The following PIK3R4 variants were observed in gnomAD, a reference collection of about 807,000 sequenced individuals.
PIK3R4 encodes the protein phosphoinositide 3-kinase regulatory subunit 4.
A neutral mutation model predicts 136.5 loss-of-function variants in PIK3R4; 46 were observed. That is an observed-to-expected ratio of 0.34 (90% CI 0.27 to 0.43). The LOEUF is 0.43. Ranked by LOEUF, PIK3R4 falls within the 20% of genes least tolerant of loss-of-function variation. The probability of loss-of-function intolerance (pLI) is 1.00; values close to 1 mark genes in which losing one functional copy is unlikely to be tolerated. For synonymous variants in PIK3R4, 557 were observed against 566.7 expected (o/e 0.98, Z 0.24); for missense variants, 1,331 against 1,649.5 (o/e 0.81, Z 3.35).
chr3:130,679,853 G>A (rs867780377), intron 19 of PIK3R4, among the ~76,000 whole-genome samples: 1 of 152,034 alleles, frequency 6.6e-6, no homozygotes, highest in Non-Finnish European at 1.5e-5. Flanking sequence ...CAAGGCGGGT[G>A]GATCACAAGG....
In PIK3R4 at chr3:130,679,239, T is replaced by C; in HGVS notation, c.*76A>G. 1 of 883,708 alleles carries C rather than the reference T, an allele frequency of 1.1e-6. No homozygotes were observed. Among genetic ancestry groups the C allele is most frequent in the Non-Finnish European group, 1.6e-6 (1 of 624,900 alleles). The allele number at this position is 883,708 out of a possible 1,614,324, so 54.7% of individuals were successfully genotyped here. A position where few individuals can be genotyped will look rare whatever the true frequency, so the allele number is the denominator to read the frequency against. On this transcript the variant is annotated 3_prime_UTR_variant, in exon 20 of 20. Coordinates refer to ENST00000356763, the MANE Select transcript of PIK3R4 (RefSeq NM_014602.3). The stretch of plus-strand genomic sequence containing the variant: ...ATTTTGAAAATTAAGCAAATGAATC[T>C]GTTCTCTAGAAATGCCTTTTCTCGA...
chr3:130,733,386 C>G (rs533586180), intron 4 of PIK3R4, among the ~76,000 whole-genome samples, 162 bp downstream of exon 4: 2 of 152,084 alleles, frequency 1.3e-5, no homozygotes, highest in Non-Finnish European at 2.9e-5. Context: ...ACGTTGATTC[C>G]CAGGAACAGA....
At position 130,713,642 on chromosome 3, in the gene PIK3R4, T is replaced by C. The variant is rs569313729; in HGVS notation, c.2331+2754A>G. 3.1e-4 allele frequency among the ~76,000 whole-genome samples: 47 copies of C among 152,246 alleles called. No homozygotes were observed. In the South Asian group the frequency reaches 8.9e-3, roughly 29 times the overall value. ...GTGGCCCCATGAGGTAACTAATGAC[T>C]GATAAGGAAAAGAAAATGTCAAGAT... On this transcript the variant is annotated intron_variant, in intron 9 of 19. Coordinates refer to ENST00000356763, the MANE Select transcript of PIK3R4 (RefSeq NM_014602.3).
At chr3:130,712,329 T>C (rs1576457174) in intron 9 of PIK3R4, among the ~76,000 whole-genome samples, 1 of 152,114 alleles carries the variant, frequency 6.6e-6, no homozygotes. Flanking sequence ...ATTGCCTGCT[T>C]GCAGAAGCTA....
At chr3:130,743,902 G>C (rs2066838588) in intron 2 of PIK3R4, among the ~76,000 whole-genome samples, 1 of 152,180 alleles carries the variant, frequency 6.6e-6, no homozygotes, top group Non-Finnish European at 1.5e-5. Flanking sequence ...AAACACATCA[G>C]TGCATCATAT....
At chr3:130,680,766 G>A (rs778322540) in intron 18 of PIK3R4, 45 bp from the exon 19 acceptor site, 1 of 1,199,882 alleles carries the variant, frequency 8.3e-7, no homozygotes, top group South Asian at 1.3e-5. Flanking sequence ...CAGGACAATG[G>A]GAGGAACTAA....
At position 130,705,756 on chromosome 3, in the gene PIK3R4, T is replaced by C. The variant is rs773586359; in HGVS notation, c.2737A>G (p.Thr913Ala). 1 of 1,602,506 alleles carries C rather than the reference T, an allele frequency of 6.2e-7. No homozygotes were observed. The highest frequency in any genetic ancestry group is 8.6e-7 in the Non-Finnish European group (1 of 1,169,554). ...STSSQVPEVT[T>A]VQNKKPVIPV... ...ATTACTGGTTTTTTATTTTGGACAG[T>C]TGTCACTTCTGGAACCTACAAAACA... The change falls in exon 12 of 20, where the codon ACT becomes GCT. Residue 913 changes from threonine to alanine, a missense_variant. By Grantham distance (58) the Thr-to-Ala change is moderately conservative (BLOSUM62 0). Coordinates refer to ENST00000356763, the MANE Select transcript of PIK3R4 (RefSeq NM_014602.3).
intron 7 of PIK3R4, among the ~76,000 whole-genome samples, chr3:130,719,026 C>T (rs1488173660): frequency 8.5e-5 from 13 of 152,144 alleles, no homozygotes; most frequent in Admixed American, 8.5e-4. Flanking sequence ...ACAATCTAGC[C>T]TATCTGATAT....
At chr3:130,684,020 T>C (rs921330983) in intron 16 of PIK3R4, among the ~76,000 whole-genome samples, 12 of 151,946 alleles carry the variant, frequency 7.9e-5, no homozygotes, top group African/African-American at 2.9e-4. Flanking sequence ...AAAAAAGGGA[T>C]AGGAGATGGT....
intron 13 of PIK3R4, among the ~76,000 whole-genome samples, chr3:130,692,020 G>A (rs936511207): frequency 4.6e-5 from 7 of 151,322 alleles, no homozygotes; most frequent in Non-Finnish European, 7.4e-5. Flanking sequence ...GACTACAGGC[G>A]CCCACCACCA....
chr3:130,687,810 C>G (rs910559189), intron 14 of PIK3R4, among the ~76,000 whole-genome samples: 2 of 152,130 alleles, frequency 1.3e-5, no homozygotes, highest in Non-Finnish European at 2.9e-5. Context: ...TTAAATACTT[C>G]CTAATTTTTT....
At chr3:130,683,895 CAAAG>C (rs758327953) in intron 16 of PIK3R4, among the ~76,000 whole-genome samples, 2 of 151,952 alleles carry the variant, frequency 1.3e-5, no homozygotes, top group Non-Finnish European at 2.9e-5. Flanking sequence ...TCAAGCAACA[CAAAG>C]GAAGCAGAGC....
intron 7 of PIK3R4, among the ~76,000 whole-genome samples, chr3:130,721,745 G>A (rs575150627): frequency 6.6e-6 from 1 of 152,122 alleles, no homozygotes. Context: ...GGGGTAGAAG[G>A]GAGGGTGGAA....
intron 7 of PIK3R4, among the ~76,000 whole-genome samples, chr3:130,722,509 T>G (rs1246789236): frequency 6.6e-6 from 1 of 152,164 alleles, no homozygotes; most frequent in Admixed American, 6.5e-5. Flanking sequence ...AAATGCTAAT[T>G]ACAAGCTATA....
At chr3:130,734,212 A>G (rs907201084) in intron 3 of PIK3R4, 82 bp from the exon 4 acceptor site, 4 of 1,124,960 alleles carry the variant, frequency 3.6e-6, no homozygotes, top group Non-Finnish European at 5.1e-6. Flanking sequence ...GGCAATTTAC[A>G]TACGATTTAA....
At chr3:130,727,788 C>T (rs2066741389) in intron 6 of PIK3R4, among the ~76,000 whole-genome samples, 1 of 152,086 alleles carries the variant, frequency 6.6e-6, no homozygotes, top group Non-Finnish European at 1.5e-5. Context: ...ATATTAAATC[C>T]TGTATCAAAC....
intron 7 of PIK3R4, among the ~76,000 whole-genome samples, chr3:130,719,121 C>G (rs1212691599): frequency 6.6e-6 from 1 of 152,096 alleles, no homozygotes; most frequent in Non-Finnish European, 1.5e-5. Context: ...AACAAAAAGG[C>G]TGAAAACATG....
intron 15 of PIK3R4, 131 bp from the exon 16 acceptor site, chr3:130,684,512 GT>G (rs1214141932): frequency 2.6e-6 from 2 of 770,044 alleles, no homozygotes; most frequent in Non-Finnish European, 4.1e-6. Context: ...TTAAAAAAAA[GT>G]TTTGTTCTCA....
chr3:130,745,588 A>G (rs1002243224), intron 1 of PIK3R4, among the ~76,000 whole-genome samples: 1 of 152,188 alleles, frequency 6.6e-6, no homozygotes, highest in Non-Finnish European at 1.5e-5. Context: ...TTATTTTCTC[A>G]TATTTAAATT....
Sources: allele counts gnomAD v4.1 joint callset (sites outside exome capture counted in the v4.1 genomes callset), GRCh38; gene constraint gnomAD v4.1.1; transcripts MANE v1.5; gene names NCBI Gene and HGNC (gene_info 2026-07-23, HGNC 2026-07-21).